The following NMBR variants were observed in gnomAD, a reference collection of about 807,000 sequenced individuals.
The protein encoded by NMBR is neuromedin-B receptor.
Under a neutral mutation model 20.5 loss-of-function variants are expected in NMBR, and 16 were observed. The ratio of observed to expected loss-of-function variants is 0.78; its 90% confidence interval spans 0.53 to 1.19. NMBR has a LOEUF of 1.19. Ranked by LOEUF, NMBR falls within the 50% of genes most tolerant of loss-of-function variation. The pLI is 0.00. For synonymous variants in NMBR, 212 were observed against 196.6 expected, an observed-to-expected ratio of 1.08 and a Z score of -0.65; for missense variants, 582 against 499.1, an observed-to-expected ratio of 1.17 and a Z score of -1.58.
intron 2 of NMBR, among the ~76,000 whole-genome samples, chr6:142,082,284 T>TGCATG (rs1453549197): frequency 6.6e-6 from 1 of 152,196 alleles, no homozygotes; most frequent in East Asian, 1.9e-4. Flanking sequence ...CACAACACAA[T>TGCATG]GCCTGGCCTG....
chr6:142,127,861 CATTT>C (rs1778065476), intron 1 of NMBR, among the ~76,000 whole-genome samples: 1 of 151,974 alleles, frequency 6.6e-6, no homozygotes, highest in African/African-American at 2.4e-5. Context: ...TTACTGAATT[CATTT>C]GTTAGTTCTA....
chr6:142,138,609 A>G (rs1778312469), intron 1 of NMBR, among the ~76,000 whole-genome samples: 1 of 152,164 alleles, frequency 6.6e-6, no homozygotes, highest in Admixed American at 6.6e-5. Flanking sequence ...GGTGTTAATA[A>G]ACAGCAACCT....
intron 1 of NMBR, among the ~76,000 whole-genome samples, chr6:142,122,135 T>C (rs1018054695): frequency 3.9e-5 from 6 of 151,986 alleles, no homozygotes; most frequent in Non-Finnish European, 8.8e-5. Context: ...ATAAAGTCAC[T>C]TTCCTTTCAC....
At chr6:142,088,133 C>T in intron 2 of NMBR, 104 bp downstream of exon 2, 1 of 1,187,902 alleles carries the variant, frequency 8.4e-7, no homozygotes. Flanking sequence ...CACACCCAAC[C>T]TTTCCTTGCG....
In NMBR at chr6:142,078,685, A is replaced by C; in HGVS notation, c.641T>G (p.Val214Gly). ...GAGGAAATAGACCAAGAAAATGAGCACTGAATGAATCTTTGGATGTAATTC... is the reference window on the plus strand; with the variant it reads ...GAGGAAATAGACCAAGAAAATGAGCCCTGAATGAATCTTTGGATGTAATTC... ...TDELHPKIHS[V>G]LIFLVYFLIP... is the part of the protein sequence containing the mutation. Residue 214 changes from valine to glycine, a missense_variant, in exon 3 of 4, where the codon GTG becomes GGG. By Grantham distance (109) the Val-to-Gly change is moderately radical. Transcript: ENST00000258042. 1 of 1,614,024 alleles carries C rather than the reference A, an allele frequency of 6.2e-7. No homozygotes were observed. The highest frequency in any genetic ancestry group is 8.5e-7 in the Non-Finnish European group (1 of 1,179,882).
chr6:142,117,450 G>T (rs746853140), intron 1 of NMBR, among the ~76,000 whole-genome samples: 8 of 151,830 alleles, frequency 5.3e-5, no homozygotes, highest in Non-Finnish European at 1.2e-4. Context: ...ATAAAAGGGA[G>T]CAAAGGTGTC....
At chr6:142,141,168 A>G (rs1254695209) in intron 1 of NMBR, among the ~76,000 whole-genome samples, 2 of 152,190 alleles carry the variant, frequency 1.3e-5, no homozygotes, top group Admixed American at 1.3e-4. Context: ...AAAAGAGATC[A>G]TTTGCTGGCC....
intron 1 of NMBR, among the ~76,000 whole-genome samples, chr6:142,128,864 T>C (rs1490510429): frequency 6.6e-6 from 1 of 151,470 alleles, no homozygotes; most frequent in Non-Finnish European, 1.5e-5. Flanking sequence ...AGGGTGAAAA[T>C]GGCTTCATAA....
intron 1 of NMBR, chr6:142,133,907 A>T: frequency 2.8e-6 from 2 of 702,352 alleles, no homozygotes; most frequent in Non-Finnish European, 5.2e-6. Context: ...ATCGATCCGA[A>T]TATTCTTCCT....
Position 142,088,739 on chromosome 6 carries a change from A to T in NMBR, c.-81T>A. The T allele has an allele frequency of 7.9e-7, 1 of 1,268,358 alleles. No homozygotes were observed. The highest frequency in any genetic ancestry group is 1.1e-6 in the Non-Finnish European group (1 of 922,246). 78.6% of individuals were successfully genotyped at this position (1,268,358 alleles called of 1,614,324 possible). The stretch of plus-strand genomic sequence containing the variant: ...ACTGAACGCCCACGATTTAGGTTTA[A>T]TCGATGTCCCTCCCTCTCGCCCCTG... On this transcript the variant is annotated 5_prime_UTR_variant, in exon 2 of 4. Transcript: ENST00000258042.
At chr6:142,120,395 G>C (rs1777922749) in intron 1 of NMBR, among the ~76,000 whole-genome samples, 1 of 151,896 alleles carries the variant, frequency 6.6e-6, no homozygotes, top group Non-Finnish European at 1.5e-5. Flanking sequence ...TGAAGAACCA[G>C]AGATCAATGT....
intron 1 of NMBR, among the ~76,000 whole-genome samples, chr6:142,098,716 A>C (rs759005174): frequency 6.6e-6 from 1 of 152,292 alleles, no homozygotes; most frequent in South Asian, 2.1e-4. Context: ...GGAAAACTCA[A>C]GTTTTCCTTG....
At chr6:142,122,745 A>G (rs1777965787) in intron 1 of NMBR, among the ~76,000 whole-genome samples, 1 of 151,974 alleles carries the variant, frequency 6.6e-6, no homozygotes, top group African/African-American at 2.4e-5. Context: ...TTCTATAAAT[A>G]GAATCACAAA....
chr6:142,115,464 A>G (rs187696411), intron 1 of NMBR, among the ~76,000 whole-genome samples: 1 of 152,208 alleles, frequency 6.6e-6, no homozygotes, highest in African/African-American at 2.4e-5. Context: ...CAGAATGCTA[A>G]GTTAAGGTGT....
intron 1 of NMBR, among the ~76,000 whole-genome samples, chr6:142,108,255 C>T (rs1317349694): frequency 6.6e-6 from 1 of 152,020 alleles, no homozygotes; most frequent in Non-Finnish European, 1.5e-5. Context: ...ATAGGACAAA[C>T]ACAAAGAAAC....
chr6:142,084,830 T>C (rs1777169676), intron 2 of NMBR, among the ~76,000 whole-genome samples: 1 of 152,174 alleles, frequency 6.6e-6, no homozygotes, highest in Non-Finnish European at 1.5e-5. Context: ...AAATATGGCT[T>C]ATGGGGCGCC....
intron 1 of NMBR, among the ~76,000 whole-genome samples, chr6:142,098,529 C>T (rs1013803289): frequency 3.3e-5 from 5 of 151,986 alleles, no homozygotes; most frequent in African/African-American, 4.8e-5. Flanking sequence ...TCCTATATAC[C>T]GTCAATTACT....
rs754204754 is a variant in NMBR at position 142,078,549 on chromosome 6, G to A, written c.771+6C>T. On this transcript the variant is annotated splice_donor_region_variant and intron_variant, in intron 3 of 3. Transcript: ENST00000258042. ...CACACCACCAACCCACGCCTACTAA[G>A]CTTACCTGTTTTTTGGTATGTTCAT... 9.1e-5 allele frequency: 141 copies of A among 1,542,580 alleles called. No individual in the cohort carries two copies. Among genetic ancestry groups the A allele is most frequent in the Non-Finnish European group, 1.2e-4 (139 of 1,131,964 alleles).
intron 1 of NMBR, among the ~76,000 whole-genome samples, chr6:142,105,230 G>A (rs1028755468): frequency 6.6e-6 from 1 of 152,152 alleles, no homozygotes; most frequent in Non-Finnish European, 1.5e-5. Flanking sequence ...GTTAAGGCAG[G>A]AACTGGCTAT....
Sources: gnomAD v4.1 joint callset for allele counts (sites outside exome capture counted in the v4.1 genomes callset) on GRCh38, gnomAD v4.1.1 for gene constraint, MANE v1.5 for transcripts, NCBI Gene and HGNC (gene_info 2026-07-23, HGNC 2026-07-21) for gene names.